CNTNAP5: variants seen among roughly 807,000 people sequenced by gnomAD.
CNTNAP5 encodes contactin-associated protein-like 5.
Under a neutral mutation model 150.2 loss-of-function variants are expected in CNTNAP5, and 72 were observed. The observed-to-expected ratio is 0.48, with a 90% CI of 0.40 to 0.58. The LOEUF is 0.58. CNTNAP5 is among the 20% of genes least tolerant of loss of function. CNTNAP5 has a pLI of 0.00. For synonymous variants in CNTNAP5, 672 were observed against 619.8 expected (o/e 1.08, Z -1.25); for missense variants, 1,636 against 1,626.2 (o/e 1.01, Z -0.10).
At chr2:124,108,917 C>T (rs1022014396) in intron 1 of CNTNAP5, among the ~76,000 whole-genome samples, 2 of 152,130 alleles carry the variant, frequency 1.3e-5, no homozygotes, top group East Asian at 3.9e-4. Flanking sequence ...CCCCTATCCT[C>T]ATCATATTCC....
intron 3 of CNTNAP5, among the ~76,000 whole-genome samples, chr2:124,369,571 T>C (rs545619282): frequency 6.6e-6 from 1 of 152,276 alleles, no homozygotes; most frequent in African/African-American, 2.4e-5. Flanking sequence ...AAACCTTTTC[T>C]TTCCTTTTGT....
At position 124,790,158 on chromosome 2, in the gene CNTNAP5, T is replaced by TG. The variant is rs1681694609; in HGVS notation, c.2992+18dup. 6.3e-7 allele frequency: 1 copy of TG among 1,595,916 alleles called. No individual in the cohort carries two copies. The highest frequency in any genetic ancestry group is 1.1e-5 in the South Asian group (1 of 88,470). On this transcript the variant is annotated intron_variant, in intron 18 of 23. Coordinates refer to ENST00000682447, the MANE Select transcript of CNTNAP5 (RefSeq NM_001367498.1). The stretch of plus-strand genomic sequence containing the variant: ...GCAAAAAAGGTACCTTAGGCGCTCC[T>TG]GTTTCTCCTGAGTGCAGTGCTGTAT...
intron 20 of CNTNAP5, among the ~76,000 whole-genome samples, chr2:124,867,431 A>G (rs1270297385): frequency 1.3e-5 from 2 of 152,096 alleles, no homozygotes; most frequent in Non-Finnish European, 2.9e-5. Context: ...TGTACTTCTC[A>G]AGGCATCATT....
intron 3 of CNTNAP5, among the ~76,000 whole-genome samples, chr2:124,370,063 G>A (rs1690483040): frequency 6.6e-6 from 1 of 152,194 alleles, no homozygotes; most frequent in South Asian, 2.1e-4. Flanking sequence ...TAAAGACAAT[G>A]TATAACAAAT....
intron 2 of CNTNAP5, among the ~76,000 whole-genome samples, chr2:124,225,358 G>C (rs1444429068): frequency 6.6e-6 from 1 of 152,158 alleles, no homozygotes; most frequent in African/African-American, 2.4e-5. Context: ...ATCTGAATCT[G>C]TGTAGTGCTA....
chr2:124,698,373 GATACAC>G (rs1344320131), intron 13 of CNTNAP5, among the ~76,000 whole-genome samples: 1 of 30,210 alleles, frequency 3.3e-5, no homozygotes, highest in African/African-American at 1.1e-4. Context: ...TAGACGAGAG[GATACAC>G]ACACACACAC....
intron 3 of CNTNAP5, among the ~76,000 whole-genome samples, chr2:124,412,498 A>G (rs969095824): frequency 6.6e-6 from 1 of 151,838 alleles, no homozygotes; most frequent in African/African-American, 2.4e-5. Flanking sequence ...GGCTACAGTA[A>G]CCAAAATAGC....
At chr2:124,658,626 A>G (rs1678509047) in intron 13 of CNTNAP5, among the ~76,000 whole-genome samples, 1 of 152,202 alleles carries the variant, frequency 6.6e-6, no homozygotes, top group African/African-American at 2.4e-5. Flanking sequence ...TTACCGTGGC[A>G]TAGATTGTGC....
At chr2:124,881,062 A>C (rs1226357339) in intron 21 of CNTNAP5, among the ~76,000 whole-genome samples, 1 of 152,122 alleles carries the variant, frequency 6.6e-6, no homozygotes, top group Non-Finnish European at 1.5e-5. Context: ...GAGACAAGGG[A>C]AACAAGAACA....
intron 1 of CNTNAP5, among the ~76,000 whole-genome samples, chr2:124,154,872 G>A (rs879798135): frequency 2.0e-5 from 3 of 152,080 alleles, no homozygotes; most frequent in African/African-American, 4.8e-5. Flanking sequence ...GACCAGTTAA[G>A]TCAGATTATC....
rs116807143 is a variant in CNTNAP5, at chr2:124,054,062, T to C, written c.82+28330T>C. ...TCGTATTGGCACTCAATCAAGAGCA[T>C]GTAGATTAGACAAGGATCGACTTAT... On this transcript the variant is annotated intron_variant, in intron 1 of 23. Transcript: ENST00000682447. 4.3e-3 allele frequency among the ~76,000 whole-genome samples: 648 copies of C among 152,282 alleles called. 8 individuals are homozygous for C. The highest frequency in any genetic ancestry group is 0.015 in the African/African-American group (626 of 41,562).
intron 13 of CNTNAP5, among the ~76,000 whole-genome samples, chr2:124,709,230 T>C (rs191585771): frequency 1.4e-5 from 2 of 143,040 alleles, no homozygotes; most frequent in African/African-American, 5.5e-5. Flanking sequence ...TGTGTGTGTG[T>C]GCGTGTGTGT....
chr2:124,791,993 A>C (rs1421819326), intron 18 of CNTNAP5, among the ~76,000 whole-genome samples: 1 of 152,098 alleles, frequency 6.6e-6, no homozygotes, highest in African/African-American at 2.4e-5. Flanking sequence ...AGCCCTGCCA[A>C]CTGCCTCTGG....
At chr2:124,493,782 C>G (rs1376452809) in intron 7 of CNTNAP5, among the ~76,000 whole-genome samples, 1 of 152,122 alleles carries the variant, frequency 6.6e-6, no homozygotes, top group Non-Finnish European at 1.5e-5. Context: ...CCTTCACACA[C>G]ACTTGCTATT....
At chr2:124,150,088 G>A (rs1254915043) in intron 1 of CNTNAP5, among the ~76,000 whole-genome samples, 2 of 152,184 alleles carry the variant, frequency 1.3e-5, no homozygotes, top group Non-Finnish European at 2.9e-5. Context: ...AACTACTGTG[G>A]AAAGTAAAGG....
At chr2:124,037,938 A>C (rs1330544391) in intron 1 of CNTNAP5, among the ~76,000 whole-genome samples, 1 of 152,334 alleles carries the variant, frequency 6.6e-6, no homozygotes, top group South Asian at 2.1e-4. Flanking sequence ...ATTTTGTACT[A>C]ATTAGAAAAA....
At chr2:124,247,639 G>A (rs939192269) in intron 3 of CNTNAP5, among the ~76,000 whole-genome samples, 1 of 152,078 alleles carries the variant, frequency 6.6e-6, no homozygotes, top group African/African-American at 2.4e-5. Context: ...TTCACAGCAG[G>A]AGAAATGCTA....
chr2:124,568,462 A>G (rs1207429333), intron 11 of CNTNAP5, among the ~76,000 whole-genome samples: 1 of 152,224 alleles, frequency 6.6e-6, no homozygotes, highest in Non-Finnish European at 1.5e-5. Flanking sequence ...TCATTCCTGA[A>G]GGCCAAATGA....
intron 19 of CNTNAP5, among the ~76,000 whole-genome samples, chr2:124,829,761 A>G (rs1429859235): frequency 6.6e-6 from 1 of 151,960 alleles, no homozygotes; most frequent in Non-Finnish European, 1.5e-5. Flanking sequence ...GAATACTTCA[A>G]AATAATACTG....
Sources: allele counts gnomAD v4.1 joint callset (sites outside exome capture counted in the v4.1 genomes callset), GRCh38; gene constraint gnomAD v4.1.1; transcripts MANE v1.5; gene names NCBI Gene and HGNC (gene_info 2026-07-23, HGNC 2026-07-21).